The following RIPOR1 variants were observed in gnomAD, a reference collection of about 807,000 sequenced individuals.
RIPOR1 encodes rho family-interacting cell polarization regulator 1.
Under a neutral mutation model 116.5 loss-of-function variants are expected in RIPOR1, and 58 were observed. The observed-to-expected ratio is 0.50, with a 90% CI of 0.40 to 0.62. RIPOR1 has a LOEUF of 0.62. Ranked by LOEUF, RIPOR1 falls within the 20% of genes least tolerant of loss-of-function variation. The pLI is 0.00. For synonymous variants in RIPOR1, 605 were observed against 650.0 expected (o/e 0.93, Z 1.05); for missense variants, 1,372 against 1,586.2 (o/e 0.86, Z 2.29).
chr16:67,544,218 G>A lies in RIPOR1; in HGVS notation c.2601-81G>A. The stretch of plus-strand genomic sequence containing the variant: ...CATCATCTTCTTCCTTTCTGGCATG[G>A]GGGAAGCTTAATAAAAATAAACGCT... On this transcript the variant is annotated intron_variant, in intron 14 of 21. Coordinates refer to ENST00000042381, the MANE Select transcript of RIPOR1 (RefSeq NM_024519.4). This position sits in a 1 kb window ranked among gnomAD's most constrained non-coding sequence, Gnocchi z 5.1. The A allele has an allele frequency of 2.7e-6, 4 of 1,508,916 alleles. No homozygotes were observed. The South Asian group carries it at 5.0e-5, about 19-fold the overall frequency. The allele number at this position is 1,508,916 out of a possible 1,614,324, so 93.5% of individuals were successfully genotyped here. A position where few individuals can be genotyped will look rare whatever the true frequency, so the allele number is the denominator to read the frequency against.
rs2051070195 is a variant in RIPOR1, at chr16:67,543,623, C to T, written c.2600+154C>T. 4 of 1,063,654 alleles carry T rather than the reference C, an allele frequency of 3.8e-6. No homozygotes were observed. The highest frequency in any genetic ancestry group is 5.4e-6 in the Non-Finnish European group (4 of 736,314). 65.9% of individuals were successfully genotyped at this position (1,063,654 alleles called of 1,614,324 possible). On this transcript the variant is annotated intron_variant, in intron 14 of 21. Transcript: ENST00000042381. The surrounding 1 kb of genome is among the most constrained non-coding windows in gnomAD (Gnocchi z 4.7). The stretch of plus-strand genomic sequence containing the variant: ...GAGCATGTGAGGACTGAGTTGCTGG[C>T]AGGTGCACCTGTGTCCACCCCTCCC...
rs770086288 is a variant in RIPOR1, at chr16:67,544,449, C to T, written c.2733+18C>T. The T allele has an allele frequency of 6.3e-7, 1 of 1,596,042 alleles. No homozygotes were observed. Among genetic ancestry groups the T allele is most frequent in the Non-Finnish European group, 8.5e-7 (1 of 1,171,460 alleles). On this transcript the variant is annotated intron_variant, in intron 15 of 21. Transcript: ENST00000042381. The surrounding 1 kb of genome is among the most constrained non-coding windows in gnomAD (Gnocchi z 5.1). ...TCCTGCTGGTGAGGCTGATGGTGTT[C>T]CCCCACCCTTCCTTTGTAACCCCTA...
At chr16:67,539,406 A>C in intron 4 of RIPOR1, 4 of 525,304 alleles carry the variant, frequency 7.6e-6, no homozygotes, top group Admixed American at 3.2e-5. Context: ...AGGAGGGAAC[A>C]CTTCTGCCGG....
In RIPOR1 at chr16:67,542,258, C is replaced by A. The variant is rs1278844428; in HGVS notation, c.1472C>A (p.Pro491His). 1.2e-6 allele frequency: 2 copies of A among 1,613,928 alleles called. No homozygotes were observed. Reference sequence around the variant, plus strand: ...CCAGCTCCCACCCATGGAGAGCACCCCAGTCCTGTTCCTCCTGCCCTGGAC... The same window carrying A: ...CCAGCTCCCACCCATGGAGAGCACCACAGTCCTGTTCCTCCTGCCCTGGAC... ...THPAPTHGEH[P>H]SPVPPALDPG... Residue 491 changes from proline to histidine, a missense_variant, in exon 13 of 22, where the codon CCC becomes CAC. Coordinates refer to ENST00000042381, the MANE Select transcript of RIPOR1 (RefSeq NM_024519.4). This position sits in a 1 kb window ranked among gnomAD's most constrained non-coding sequence, Gnocchi z 4.6.
At position 67,540,585 on chromosome 16, in the gene RIPOR1, A is replaced by T; in HGVS notation, c.682A>T (p.Met228Leu). The T allele has an allele frequency of 1.9e-6, 3 of 1,614,012 alleles. No individual in the cohort carries two copies. The highest frequency in any genetic ancestry group is 2.5e-6 in the Non-Finnish European group (3 of 1,179,906). Reference sequence around the variant, plus strand: ...ATCCTACCTGTTCCCCCAGATCTGCATGAAATATGGGCGTCAGCGCTGGAA... The same window carrying T: ...ATCCTACCTGTTCCCCCAGATCTGCTTGAAATATGGGCGTCAGCGCTGGAA... Reference protein sequence around the residue: ...LCVGDQYEICMKYGRQRWKLR... With the variant: ...LCVGDQYEICLKYGRQRWKLR... The change falls in exon 10 of 22, where the codon ATG (methionine) becomes TTG (leucine). Residue 228 changes from methionine to leucine, a missense_variant. Met to Leu is a conservative substitution (Grantham distance 15). This residue lies in a region of RIPOR1 where 202 missense variants were observed against 295.9 expected (regional missense o/e 0.68). Coordinates refer to ENST00000042381, the MANE Select transcript of RIPOR1 (RefSeq NM_024519.4). This position sits in a 1 kb window ranked among gnomAD's most constrained non-coding sequence, Gnocchi z 4.7.
At chr16:67,539,647 G>C (rs1003312714) in intron 4 of RIPOR1, 81 bp from the exon 5 acceptor site, 10 of 1,513,682 alleles carry the variant, frequency 6.6e-6, no homozygotes, top group Non-Finnish European at 9.2e-6. Flanking sequence ...TGAGAAAGGG[G>C]AGCTGTGACG....
chr16:67,544,162 C>A lies in RIPOR1; in HGVS notation c.2601-137C>A. 1 of 1,163,404 alleles carries A rather than the reference C, an allele frequency of 8.6e-7. No individual in the cohort carries two copies. Among genetic ancestry groups the A allele is most frequent in the South Asian group, 1.6e-5 (1 of 61,682 alleles). The allele number at this position is 1,163,404 out of a possible 1,614,324, so 72.1% of individuals were successfully genotyped here. ...CCCCTTCCTCCTTCTGGAAATCCTC[C>A]ATGAACTTACCCCACTGTCTGCTGT... On this transcript the variant is annotated intron_variant, in intron 14 of 21. Coordinates refer to ENST00000042381, the MANE Select transcript of RIPOR1 (RefSeq NM_024519.4). This position sits in a 1 kb window ranked among gnomAD's most constrained non-coding sequence, Gnocchi z 5.1.
chr16:67,534,233 G>A (rs1437577263), intron 1 of RIPOR1, among the ~76,000 whole-genome samples: 1 of 151,560 alleles, frequency 6.6e-6, no homozygotes, highest in Non-Finnish European at 1.5e-5. Context: ...CAATTCTCAT[G>A]CCTCAGCCTC....
At chr16:67,546,082 C>T (rs374750139) in intron 20 of RIPOR1, 50 bp downstream of exon 20, 7 of 1,606,058 alleles carry the variant, frequency 4.4e-6, no homozygotes, top group Middle Eastern at 1.7e-4. Context: ...GGCACCCCCA[C>T]CCCTGAAACC....
rs984198274 is a variant in RIPOR1, at chr16:67,545,931, C to T, written c.3388-18C>T. On this transcript the variant is annotated intron_variant, in intron 19 of 21. Coordinates refer to ENST00000042381, the MANE Select transcript of RIPOR1 (RefSeq NM_024519.4). The surrounding 1 kb of genome is among the most constrained non-coding windows in gnomAD (Gnocchi z 4.8). ...ACTCCCACTGTCTGGCTAAGTCTGT[C>T]CTCCCACCCTTCCACAGGCCCTCCT... The T allele has an allele frequency of 2.5e-6, 4 of 1,613,716 alleles. No individual in the cohort carries two copies. Among genetic ancestry groups the T allele is most frequent in the Non-Finnish European group, 3.4e-6 (4 of 1,179,890 alleles).
In RIPOR1 at chr16:67,537,838, T is replaced by A. The variant is rs62059328; in HGVS notation, c.-23-586T>A. 0.019 allele frequency among the ~76,000 whole-genome samples: 2,921 copies of A among 150,052 alleles called. 44 individuals are homozygous for A. The highest frequency in any genetic ancestry group is 0.031 in the Non-Finnish European group (2,057 of 67,386). Reference sequence around the variant, plus strand: ...GCCCAGCTCTGGGAATCCCCCTGCCTGGAGGGCGCCGGGACGCCCGGGCCG... The same window carrying A: ...GCCCAGCTCTGGGAATCCCCCTGCCAGGAGGGCGCCGGGACGCCCGGGCCG... On this transcript the variant is annotated intron_variant, in intron 1 of 21. Coordinates refer to ENST00000042381, the MANE Select transcript of RIPOR1 (RefSeq NM_024519.4). The surrounding 1 kb of genome is among the most constrained non-coding windows in gnomAD (Gnocchi z 4.6).
chr16:67,542,015 T>A lies in RIPOR1; in HGVS notation c.1229T>A (p.Leu410His). The A allele has an allele frequency of 8.7e-6, 14 of 1,609,580 alleles. No homozygotes were observed. The highest frequency in any genetic ancestry group is 1.2e-5 in the Non-Finnish European group (14 of 1,177,140). Residue 410 changes from leucine to histidine, a missense_variant, in exon 13 of 22, where the codon CTT becomes CAT. Around this residue, in one of 3 missense-constraint regions of RIPOR1, gnomAD observed 1,005 missense variants for 1,144.7 expected, o/e 0.88. Transcript: ENST00000042381. This position sits in a 1 kb window ranked among gnomAD's most constrained non-coding sequence, Gnocchi z 4.6. ...CCCCTGGTGCAGCAGCCCGAGCCCCTTCCCATCCAAGTTGCCTTCCGCAGG... is the reference window on the plus strand; with the variant it reads ...CCCCTGGTGCAGCAGCCCGAGCCCCATCCCATCCAAGTTGCCTTCCGCAGG... The part of the protein sequence containing the change: ...PRPLVQQPEP[L>H]PIQVAFRRPE...
chr16:67,542,722 A>G lies in RIPOR1; in HGVS notation c.1936A>G (p.Ser646Gly). 6.2e-7 allele frequency: 1 copy of G among 1,611,886 alleles called. No homozygotes were observed. Among genetic ancestry groups the G allele is most frequent in the Non-Finnish European group, 8.5e-7 (1 of 1,179,578 alleles). ...SPPTTTSPTP[S>G]GMGLVQTATS... ...TCCCACCACTACAAGTCCTACCCCC[A>G]GTGGTATGGGCCTAGTCCAGACTGC... is the stretch of plus-strand genomic sequence containing the variant. The change falls in exon 13 of 22, where the codon AGT (serine) becomes GGT (glycine). Residue 646 changes from serine (S) to glycine (G), a missense_variant. By Grantham distance (56) the Ser-to-Gly change is moderately conservative. Around this residue, in one of 3 missense-constraint regions of RIPOR1, gnomAD observed 1,005 missense variants for 1,144.7 expected, o/e 0.88. Coordinates refer to ENST00000042381, the MANE Select transcript of RIPOR1 (RefSeq NM_024519.4). The surrounding 1 kb of genome is among the most constrained non-coding windows in gnomAD (Gnocchi z 4.6).
At position 67,540,498 on chromosome 16, in the gene RIPOR1, T is replaced by C. The variant is rs2050947926; in HGVS notation, c.672T>C (p.Tyr224=). 6.2e-7 allele frequency: 1 copy of C among 1,613,984 alleles called. No homozygotes were observed. Among genetic ancestry groups the C allele is most frequent in the Non-Finnish European group, 8.5e-7 (1 of 1,179,990 alleles). ...CCAGGCTGTGTGTAGGCGATCAGTA[T>C]GAGGTATGAGAATGTGCAGGGAAGG... The part of the protein sequence containing the change: ...GFARLCVGDQ[Y]EICMKYGRQR... The change falls in exon 9 of 22, where the codon TAT becomes TAC. Residue 224 remains tyrosine (Y), a synonymous_variant. Coordinates refer to ENST00000042381, the MANE Select transcript of RIPOR1 (RefSeq NM_024519.4). The surrounding 1 kb of genome is among the most constrained non-coding windows in gnomAD (Gnocchi z 4.7).
intron 1 of RIPOR1, among the ~76,000 whole-genome samples, chr16:67,534,882 AC>A (rs1436140497): frequency 3.4e-5 from 4 of 116,880 alleles, no homozygotes; most frequent in Non-Finnish European, 6.4e-5. Flanking sequence ...CCGCTCTGTC[AC>A]CCAGCCTGGA....
upstream of RIPOR1, among the ~76,000 whole-genome samples, chr16:67,527,864 A>C (rs368542975): frequency 6.4e-4 from 97 of 151,824 alleles, no homozygotes; most frequent in Middle Eastern, 3.4e-3. Context: ...AAAAAAAAAA[A>C]AAAAAAACCC....
intron 1 of RIPOR1, among the ~76,000 whole-genome samples, chr16:67,523,796 TCA>T (rs953367983): frequency 6.6e-6 from 1 of 151,648 alleles, no homozygotes. Context: ...TTCTCCCACC[TCA>T]GTCTCTTGAG....
intron 1 of RIPOR1, among the ~76,000 whole-genome samples, chr16:67,536,773 C>A (rs2050805224): frequency 6.6e-6 from 1 of 152,108 alleles, no homozygotes; most frequent in South Asian, 2.1e-4. Context: ...CAGCCTCAGT[C>A]CCCTGGTGAT....
Position 67,542,919 on chromosome 16 carries a change from C to T in RIPOR1, c.2133C>T (p.Ser711=). 6.2e-7 allele frequency: 1 copy of T among 1,604,906 alleles called. No homozygotes were observed. The highest frequency in any genetic ancestry group is 1.3e-5 in the African/African-American group (1 of 74,910). Residue 711 remains serine, a synonymous_variant, in exon 13 of 22, where the codon TCC becomes TCT. Transcript: ENST00000042381. This position sits in a 1 kb window ranked among gnomAD's most constrained non-coding sequence, Gnocchi z 4.6. ...CCCTTCCCTGTAGTCCCCCAGTCTC[C>T]AATTCCTACACTCAGGCAGACCCTA... ...TDSLPCSPPV[S]NSYTQADPMA... is the part of the protein sequence containing the mutation.
Sources: allele counts gnomAD v4.1 joint callset (sites outside exome capture counted in the v4.1 genomes callset), GRCh38; gene constraint gnomAD v4.1.1; regional missense constraint gnomAD v4.1.1; non-coding constraint Gnocchi (gnomAD v3.1); transcripts MANE v1.5; gene names NCBI Gene and HGNC (gene_info 2026-07-23, HGNC 2026-07-21).